The following CNTN4 variants were observed in gnomAD, a reference collection of about 807,000 sequenced individuals.
The protein encoded by CNTN4 is contactin-4.
In CNTN4, 77 loss-of-function variants were observed where a neutral mutation model predicts 122.5. The ratio of observed to expected loss-of-function variants is 0.63; its 90% CI spans 0.52 to 0.76. The LOEUF (loss-of-function observed/expected upper bound fraction) is 0.76, where lower values mean the gene tolerates loss of function less well. Ranked by LOEUF, CNTN4 falls within the 30% of genes least tolerant of loss-of-function variation. CNTN4 has a pLI of 0.00. For synonymous variants in CNTN4, 512 were observed against 447.0 expected, an observed-to-expected ratio of 1.15 and a Z score of -1.83; for missense variants, 1,256 against 1,259.1, an observed-to-expected ratio of 1.00 and a Z score of 0.04.
At chr3:2,840,517 G>A (rs538361704) in intron 7 of CNTN4, among the ~76,000 whole-genome samples, 171 of 116,472 alleles carry the variant, frequency 1.5e-3, no homozygotes, top group African/African-American at 4.4e-3. Context: ...TGGCTAACAC[G>A]GTGAAACCCC....
chr3:2,777,440 G>T (rs1330061147), intron 6 of CNTN4, among the ~76,000 whole-genome samples: 1 of 152,054 alleles, frequency 6.6e-6, no homozygotes, highest in Non-Finnish European at 1.5e-5. Context: ...TTATGTTTTC[G>T]ACTGAATAAA....
chr3:2,196,863 G>A (rs1040599457), intron 2 of CNTN4, among the ~76,000 whole-genome samples: 5 of 151,878 alleles, frequency 3.3e-5, no homozygotes, highest in African/African-American at 9.7e-5. Context: ...TGACCAACAT[G>A]GAGAAACCTC....
intron 2 of CNTN4, among the ~76,000 whole-genome samples, chr3:2,301,308 A>C (rs1296189839): frequency 6.6e-6 from 1 of 152,230 alleles, no homozygotes; most frequent in African/African-American, 2.4e-5. Context: ...TTCTTCATGA[A>C]TAATCTATCT....
chr3:3,010,959 A>C (rs148339912), intron 14 of CNTN4, among the ~76,000 whole-genome samples: 27 of 152,286 alleles, frequency 1.8e-4, no homozygotes, highest in Admixed American at 3.9e-4. Flanking sequence ...TGAAGAAAGA[A>C]TTGCTCCTCT....
intron 7 of CNTN4, among the ~76,000 whole-genome samples, chr3:2,827,203 A>G (rs1342829806): frequency 6.6e-6 from 1 of 151,766 alleles, no homozygotes; most frequent in Non-Finnish European, 1.5e-5. Context: ...TACTCCCTCT[A>G]CTTTCTCTCA....
At chr3:2,232,151 CAAT>C (rs1043320354) in intron 2 of CNTN4, among the ~76,000 whole-genome samples, 1 of 151,946 alleles carries the variant, frequency 6.6e-6, no homozygotes, top group African/African-American at 2.4e-5. Flanking sequence ...CATCGTCATC[CAAT>C]AATAATAATA....
intron 2 of CNTN4, among the ~76,000 whole-genome samples, chr3:2,186,555 A>C (rs985578524): frequency 6.6e-6 from 1 of 152,166 alleles, no homozygotes; most frequent in Non-Finnish European, 1.5e-5. Context: ...CAGCAGTGTA[A>C]AAGTGTTCCT....
intron 2 of CNTN4, among the ~76,000 whole-genome samples, chr3:2,201,770 A>C (rs2038106093): frequency 6.6e-6 from 1 of 152,108 alleles, no homozygotes; most frequent in South Asian, 2.1e-4. Context: ...TTTTATTTTT[A>C]GTCTTTACCA....
intron 2 of CNTN4, among the ~76,000 whole-genome samples, chr3:2,154,810 G>C (rs1048384010): frequency 6.6e-6 from 1 of 152,172 alleles, no homozygotes; most frequent in Non-Finnish European, 1.5e-5. Context: ...AAACAATACA[G>C]AAAAGCCATT....
At chr3:2,336,698 C>A (rs1178548) in intron 2 of CNTN4, among the ~76,000 whole-genome samples, 1 of 151,998 alleles carries the variant, frequency 6.6e-6, no homozygotes, top group Non-Finnish European at 1.5e-5. Flanking sequence ...TAGCTAAAAC[C>A]TAACCTCATG....
At chr3:2,326,332 ACAG>A (rs2043455784) in intron 2 of CNTN4, among the ~76,000 whole-genome samples, 1 of 152,144 alleles carries the variant, frequency 6.6e-6, no homozygotes, top group Admixed American at 6.5e-5. Flanking sequence ...GACTGGAAAT[ACAG>A]CATCTCACGT....
intron 4 of CNTN4, among the ~76,000 whole-genome samples, chr3:2,582,929 G>A (rs1022901951): frequency 2.7e-5 from 4 of 148,618 alleles, no homozygotes; most frequent in Admixed American, 1.3e-4. Context: ...CAGTTTAATG[G>A]AGAAAGACTA....
chr3:3,024,462 TA>T, intron 14 of CNTN4, among the ~76,000 whole-genome samples: 1 of 151,862 alleles, frequency 6.6e-6, no homozygotes, highest in Non-Finnish European at 1.5e-5. Context: ...AGCGGATTTT[TA>T]TTATGTAGTC....
intron 2 of CNTN4, among the ~76,000 whole-genome samples, chr3:2,111,202 T>C (rs2032927911): frequency 6.6e-6 from 1 of 152,216 alleles, no homozygotes; most frequent in Non-Finnish European, 1.5e-5. Context: ...GTGGCTGTAA[T>C]GCTTATATAC....
chr3:2,234,521 A>T (rs780215739), intron 2 of CNTN4, among the ~76,000 whole-genome samples: 26 of 152,094 alleles, frequency 1.7e-4, no homozygotes, highest in Admixed American at 7.2e-4. Flanking sequence ...TGGACCAAGA[A>T]ATTGTTGATG....
At chr3:2,644,103 G>C (rs1393160937) in intron 4 of CNTN4, among the ~76,000 whole-genome samples, 1 of 152,216 alleles carries the variant, frequency 6.6e-6, no homozygotes, top group East Asian at 1.9e-4. Context: ...CGCAGAGCCA[G>C]GGCATCTGTC....
chr3:2,974,940 T>G (rs1693284219), intron 13 of CNTN4, among the ~76,000 whole-genome samples: 1 of 152,236 alleles, frequency 6.6e-6, no homozygotes, highest in Admixed American at 6.5e-5. Context: ...ATATTGCTAT[T>G]TGTCTTATAG....
intron 6 of CNTN4, among the ~76,000 whole-genome samples, chr3:2,759,605 G>A (rs1313816149): frequency 6.6e-6 from 1 of 151,216 alleles, no homozygotes; most frequent in Non-Finnish European, 1.5e-5. Flanking sequence ...TTTTTTTGCG[G>A]ACACATGTAT....
chr3:2,201,354 A>T (rs1375750474), intron 2 of CNTN4, among the ~76,000 whole-genome samples: 1 of 152,228 alleles, frequency 6.6e-6, no homozygotes, highest in Admixed American at 6.5e-5. Flanking sequence ...ATATTTAACC[A>T]GCAGTAAATA....
Sources: allele counts gnomAD v4.1 joint callset (sites outside exome capture counted in the v4.1 genomes callset), GRCh38; gene constraint gnomAD v4.1.1; transcripts MANE v1.5; gene names NCBI Gene and HGNC (gene_info 2026-07-23, HGNC 2026-07-21).